LINGO2: variants seen among roughly 807,000 people sequenced by gnomAD.
The protein encoded by LINGO2 is leucine-rich repeat and immunoglobulin-like domain-containing nogo receptor-interacting protein 2.
A neutral mutation model predicts 30.6 loss-of-function variants in LINGO2; 14 were observed. The ratio of observed to expected loss-of-function variants is 0.46; its 90% CI spans 0.30 to 0.72. The LOEUF is 0.72. Ranked by LOEUF, LINGO2 falls within the 30% of genes least tolerant of loss-of-function variation. The pLI, the probability that LINGO2 is intolerant of heterozygous loss-of-function variation, is 0.07. For synonymous variants in LINGO2, 317 were observed against 288.5 expected, an observed-to-expected ratio of 1.10 and a Z score of -1.00; for missense variants, 729 against 751.7, an observed-to-expected ratio of 0.97 and a Z score of 0.35.
chr9:29,055,856 T>C, the LINGO2 span, among the ~76,000 whole-genome samples: 2 of 151,438 alleles, frequency 1.3e-5, no homozygotes, highest in African/African-American at 4.9e-5. Context: ...AGAGTAATGG[T>C]CTCCAACTCT....
chr9:28,269,439 TTTAATTTTCACTTAAATGTCACA>T (rs1373988518), intron 4 of LINGO2, among the ~76,000 whole-genome samples: 1 of 152,156 alleles, frequency 6.6e-6, no homozygotes, highest in Non-Finnish European at 1.5e-5. Context: ...CTAAATCTGT[TTTAATTTTCACTTAAATGTCACA>T]TTATAAACGA....
chr9:28,048,363 T>C (rs532432985), intron 4 of LINGO2, among the ~76,000 whole-genome samples: 2 of 150,832 alleles, frequency 1.3e-5, no homozygotes, highest in Admixed American at 1.3e-4. Flanking sequence ...AATCTCAAAG[T>C]GAAAAAGCTG....
intron 4 of LINGO2, among the ~76,000 whole-genome samples, chr9:28,158,738 A>C (rs1246185932): frequency 6.6e-6 from 1 of 152,140 alleles, no homozygotes; most frequent in Non-Finnish European, 1.5e-5. Context: ...GCTCCCCTGC[A>C]TGGGTGCACA....
At chr9:28,362,556 C>T (rs797021302) in intron 3 of LINGO2, among the ~76,000 whole-genome samples, 13 of 151,994 alleles carry the variant, frequency 8.6e-5, no homozygotes, top group African/African-American at 1.4e-4. Flanking sequence ...CCGCAACCTC[C>T]GCCTCCCAGG....
At chr9:28,111,623 T>C (rs1340239340) in intron 4 of LINGO2, among the ~76,000 whole-genome samples, 1 of 152,108 alleles carries the variant, frequency 6.6e-6, no homozygotes, top group Non-Finnish European at 1.5e-5. Context: ...AACAAAAATG[T>C]GCTCCCCCTT....
chr9:28,122,618 A>T (rs916066446), intron 4 of LINGO2, among the ~76,000 whole-genome samples: 2 of 152,154 alleles, frequency 1.3e-5, no homozygotes, highest in Non-Finnish European at 2.9e-5. Flanking sequence ...TTTCAGTATG[A>T]AAGTTGTACA....
intron 1 of LINGO2, among the ~76,000 whole-genome samples, chr9:28,532,053 T>G (rs1437679352): frequency 6.6e-6 from 1 of 152,156 alleles, no homozygotes; most frequent in East Asian, 1.9e-4. Context: ...GTCATTCAGA[T>G]TTTTAAAAAT....
At chr9:28,134,690 C>T (rs1587056609) in intron 4 of LINGO2, among the ~76,000 whole-genome samples, 1 of 152,302 alleles carries the variant, frequency 6.6e-6, no homozygotes, top group East Asian at 1.9e-4. Flanking sequence ...GAGAATGCTG[C>T]CATCAGAGAG....
At chr9:28,559,514 G>T (rs1325941267) in intron 1 of LINGO2, among the ~76,000 whole-genome samples, 1 of 151,966 alleles carries the variant, frequency 6.6e-6, no homozygotes. Context: ...CCAACCTCAG[G>T]TTCCAAGATC....
At chr9:28,984,734 A>T in the LINGO2 span, among the ~76,000 whole-genome samples, 2 of 152,120 alleles carry the variant, frequency 1.3e-5, no homozygotes, top group African/African-American at 4.8e-5. Context: ...TTTTAACTTT[A>T]TTGTAAATTG....
chr9:28,356,612 G>A (rs896659781), intron 3 of LINGO2, among the ~76,000 whole-genome samples: 5 of 152,068 alleles, frequency 3.3e-5, no homozygotes, highest in African/African-American at 9.7e-5. Context: ...TAAGCAAAAC[G>A]TTTCAGTTGT....
At chr9:28,286,357 A>C (rs1823507994) in intron 4 of LINGO2, among the ~76,000 whole-genome samples, 1 of 152,212 alleles carries the variant, frequency 6.6e-6, no homozygotes, top group African/African-American at 2.4e-5. Context: ...ATACACTATT[A>C]GAGGAAGTTT....
chr9:28,199,351 T>TCCTCCTCCTCCTCCTCCCCCTCCTCC (rs1290385489), intron 4 of LINGO2, among the ~76,000 whole-genome samples: 2 of 149,852 alleles, frequency 1.3e-5, no homozygotes, highest in East Asian at 1.9e-4. Flanking sequence ...CTTCTTTTTT[T>TCCTCCTCCTCCTCCTCCCCCTCCTCC]TTTTTTGAGA....
At chr9:28,665,024 T>C (rs1400732989) in intron 1 of LINGO2, among the ~76,000 whole-genome samples, 4 of 121,754 alleles carry the variant, frequency 3.3e-5, no homozygotes, top group Non-Finnish European at 6.6e-5. Flanking sequence ...TATATATATA[T>C]ATATATATAT....
At chr9:28,571,872 G>A (rs1022468820) in intron 1 of LINGO2, among the ~76,000 whole-genome samples, 3 of 151,978 alleles carry the variant, frequency 2.0e-5, no homozygotes, top group Non-Finnish European at 2.9e-5. Context: ...GGAACAGATC[G>A]GCAAATTGAC....
At chr9:28,777,871 CT>C in the LINGO2 span, among the ~76,000 whole-genome samples, 1 of 152,122 alleles carries the variant, frequency 6.6e-6, no homozygotes, top group African/African-American at 2.4e-5. Flanking sequence ...GTATTAAATC[CT>C]TTTTTATTTC....
intron 5 of LINGO2, among the ~76,000 whole-genome samples, chr9:28,000,434 G>A (rs1821891387): frequency 6.6e-6 from 1 of 152,124 alleles, no homozygotes; most frequent in African/African-American, 2.4e-5. Flanking sequence ...TTTCCTTCTG[G>A]CTCCTTCACT....
chr9:27,980,404 T>C (rs1930003), intron 5 of LINGO2, among the ~76,000 whole-genome samples: 7,710 of 151,968 alleles, frequency 0.051, 361 homozygotes, highest in Admixed American at 0.1. Context: ...GCACAGCAAT[T>C]GGAGGAAAAC....
the LINGO2 span, among the ~76,000 whole-genome samples, chr9:29,074,593 G>C: frequency 1.3e-5 from 2 of 151,594 alleles, no homozygotes; most frequent in African/African-American, 4.9e-5. Flanking sequence ...AATGAGGATA[G>C]CATGTATCAG....
Sources: allele counts gnomAD v4.1 joint callset (sites outside exome capture counted in the v4.1 genomes callset), GRCh38; gene constraint gnomAD v4.1.1; transcripts MANE v1.5; gene names NCBI Gene and HGNC (gene_info 2026-07-23, HGNC 2026-07-21).